The following KCNC2 variants were observed in gnomAD, a reference collection of about 807,000 sequenced individuals.
The protein encoded by KCNC2 is potassium voltage-gated channel subfamily C member 2, also known as voltage-gated potassium channel KCNC2.
KCNC2 carries 21 observed loss-of-function variants against 44.5 expected under a neutral mutation model. The observed-to-expected ratio is 0.47, with a 90% CI of 0.33 to 0.68. KCNC2 has a LOEUF of 0.68. KCNC2 is among the 30% of genes least tolerant of loss of function. The probability of loss-of-function intolerance (pLI) is 0.01; values close to 1 mark genes in which losing one functional copy is unlikely to be tolerated. For missense variants in KCNC2, 589 were observed against 826.2 expected (o/e 0.71, Z 3.52); for synonymous variants, 391 against 339.1 (o/e 1.15, Z -1.68).
intron 2 of KCNC2, among the ~76,000 whole-genome samples, chr12:75,133,974 A>T (rs1377058332): frequency 2.0e-5 from 3 of 151,994 alleles, no homozygotes; most frequent in Non-Finnish European, 4.4e-5. Flanking sequence ...TAGGGGTAGG[A>T]GGATATAAGA....
chr12:75,117,160 C>G (rs1020483194), intron 2 of KCNC2, among the ~76,000 whole-genome samples: 15 of 152,076 alleles, frequency 9.9e-5, no homozygotes, highest in African/African-American at 3.1e-4. Context: ...ACATTTGTCT[C>G]TGTACACTGA....
At chr12:75,060,612 T>A (rs1882218202) in intron 2 of KCNC2, among the ~76,000 whole-genome samples, 1 of 151,884 alleles carries the variant, frequency 6.6e-6, no homozygotes, top group Non-Finnish European at 1.5e-5. Flanking sequence ...ATTACATGCA[T>A]GTGCCACCAC....
At chr12:75,193,924 A>G (rs1271769176) in intron 2 of KCNC2, among the ~76,000 whole-genome samples, 2 of 152,204 alleles carry the variant, frequency 1.3e-5, no homozygotes, top group Admixed American at 1.3e-4. Context: ...AAGAAATTCC[A>G]TAGAGGGACT....
intron 1 of KCNC2, among the ~76,000 whole-genome samples, chr12:75,208,377 C>T (rs2031881269): frequency 1.3e-5 from 2 of 151,290 alleles, no homozygotes; most frequent in East Asian, 1.9e-4. Flanking sequence ...CCCCTCTCTG[C>T]CTCCCCAAAC....
chr12:75,207,730 C>A lies in KCNC2; in HGVS notation c.254G>T (p.Cys85Phe), dbSNP rs1187457432. The A allele has an allele frequency of 1.3e-6, 2 of 1,570,554 alleles. No homozygotes were observed. Among genetic ancestry groups the A allele is most frequent in the Non-Finnish European group, 8.6e-7 (1 of 1,158,148 alleles). ...GGCFEGGAGN[C>F]SSRGGRASDH... ...GCTGGCCCTGCCGCCGCGGGAACTG[C>A]AGTTGCCCGCGCCGCCCTCGAAGCA... Residue 85 changes from cysteine (C) to phenylalanine (F), a missense_variant, in exon 2 of 5, where the codon TGC becomes TTC. Physicochemically the swap from Cys to Phe is radical, Grantham distance 205. Coordinates refer to ENST00000549446, the MANE Select transcript of KCNC2 (RefSeq NM_139137.4). This position sits in a 1 kb window ranked among gnomAD's most constrained non-coding sequence, Gnocchi z 4.1.
At chr12:75,209,050 T>C (rs975416015) in intron 1 of KCNC2, among the ~76,000 whole-genome samples, 157 bp downstream of exon 1, 4 of 152,060 alleles carry the variant, frequency 2.6e-5, no homozygotes, top group African/African-American at 9.7e-5. Flanking sequence ...TCGCTGACAG[T>C]GTCCCTGTTT....
chr12:75,188,419 A>G (rs1018684426), intron 2 of KCNC2, among the ~76,000 whole-genome samples: 6 of 152,206 alleles, frequency 3.9e-5, no homozygotes, highest in Non-Finnish European at 5.9e-5. Context: ...CTTATTTAAC[A>G]TTGGGAATTT....
intron 2 of KCNC2, among the ~76,000 whole-genome samples, chr12:75,158,083 A>G (rs1347497118): frequency 6.6e-6 from 1 of 151,932 alleles, no homozygotes; most frequent in Non-Finnish European, 1.5e-5. Flanking sequence ...TGAAGTCAAT[A>G]GAAGTCAGTA....
intron 2 of KCNC2, among the ~76,000 whole-genome samples, chr12:75,092,041 G>A (rs991800508): frequency 1.5e-4 from 23 of 151,590 alleles, no homozygotes; most frequent in African/African-American, 5.5e-4. Context: ...TTCTCAAAAT[G>A]TACTTTCTGG....
chr12:75,174,158 T>G (rs993394589), intron 2 of KCNC2, among the ~76,000 whole-genome samples: 3 of 151,786 alleles, frequency 2.0e-5, no homozygotes, highest in Admixed American at 1.3e-4. Flanking sequence ...AACTGGCTCC[T>G]TAATTTACAA....
chr12:75,053,215 T>G (rs4882671), intron 2 of KCNC2, among the ~76,000 whole-genome samples: 2 of 151,846 alleles, frequency 1.3e-5, no homozygotes, highest in African/African-American at 4.8e-5. Context: ...TTTCTTATTC[T>G]ACCTAAAATC....
At chr12:75,049,817 T>C (rs542377256) in intron 3 of KCNC2, among the ~76,000 whole-genome samples, 6 of 152,162 alleles carry the variant, frequency 3.9e-5, no homozygotes, top group Admixed American at 3.3e-4. Flanking sequence ...ACAATGAAAA[T>C]TTAATCAATC....
intron 2 of KCNC2, among the ~76,000 whole-genome samples, chr12:75,109,951 G>T (rs935245031): frequency 1.3e-5 from 2 of 151,474 alleles, no homozygotes; most frequent in Non-Finnish European, 2.9e-5. Flanking sequence ...TTAAGAATTG[G>T]CAAAAATCAA....
intron 3 of KCNC2, among the ~76,000 whole-genome samples, chr12:75,049,504 A>C (rs1322320098): frequency 6.6e-6 from 1 of 152,136 alleles, no homozygotes; most frequent in African/African-American, 2.4e-5. Context: ...ACAAGAGGTG[A>C]CATCACTATT....
At chr12:75,043,286 T>C (rs759836700) in intron 4 of KCNC2, 45 bp from the exon 5 acceptor site, 3 of 1,607,604 alleles carry the variant, frequency 1.9e-6, no homozygotes, top group East Asian at 4.5e-5. Flanking sequence ...TCAACCAGAA[T>C]ATAGACAGAC....
At chr12:75,182,546 AC>A (rs1466222042) in intron 2 of KCNC2, among the ~76,000 whole-genome samples, 12 of 145,806 alleles carry the variant, frequency 8.2e-5, no homozygotes, top group African/African-American at 2.2e-4. Flanking sequence ...AACAAAAAAA[AC>A]AAAAAAAAAC....
chr12:75,091,366 C>G (rs1885458999), intron 2 of KCNC2, among the ~76,000 whole-genome samples: 1 of 151,646 alleles, frequency 6.6e-6, no homozygotes, highest in South Asian at 2.1e-4. Context: ...ATGAAGGCAA[C>G]TTGTTATTAG....
chr12:75,068,672 A>T (rs531377059), intron 2 of KCNC2, among the ~76,000 whole-genome samples: 1 of 152,304 alleles, frequency 6.6e-6, no homozygotes, highest in South Asian at 2.1e-4. Flanking sequence ...GGATTTGAGG[A>T]GTTGATTACA....
At chr12:75,052,875 A>C (rs891651513) in intron 2 of KCNC2, among the ~76,000 whole-genome samples, 1 of 152,178 alleles carries the variant, frequency 6.6e-6, no homozygotes, top group Non-Finnish European at 1.5e-5. Context: ...TCAGCTGTAT[A>C]GTATTCTAAG....
Sources: gnomAD v4.1 joint callset for allele counts (sites outside exome capture counted in the v4.1 genomes callset) on GRCh38, gnomAD v4.1.1 for gene constraint, Gnocchi (gnomAD v3.1) non-coding constraint, MANE v1.5 for transcripts, NCBI Gene and HGNC (gene_info 2026-07-23, HGNC 2026-07-21) for gene names.